The following ARHGAP32 variants were observed in gnomAD, a reference collection of about 807,000 sequenced individuals.
ARHGAP32 encodes the protein rho GTPase-activating protein 32.
ARHGAP32 carries 51 observed loss-of-function variants against 186.5 expected under a neutral mutation model. The observed-to-expected ratio is 0.27, with a 90% confidence interval of 0.22 to 0.35. The LOEUF (loss-of-function observed/expected upper bound fraction) is 0.35. Among genes scored for constraint, ARHGAP32 ranks in the 10% least tolerant of loss-of-function variants. The pLI is 1.00. For missense variants in ARHGAP32, 2,186 were observed against 2,623.5 expected, an observed-to-expected ratio of 0.83 and a Z score of 3.64; for synonymous variants, 950 against 964.3, an observed-to-expected ratio of 0.99 and a Z score of 0.27.
At chr11:129,039,695 C>A (rs1047957087) in intron 11 of ARHGAP32, among the ~76,000 whole-genome samples, 1 of 152,104 alleles carries the variant, frequency 6.6e-6, no homozygotes, top group African/African-American at 2.4e-5. Context: ...GTAAATTGCA[C>A]GATATGCGAA....
intron 5 of ARHGAP32, among the ~76,000 whole-genome samples, chr11:129,122,037 G>A (rs1256610574): frequency 6.6e-6 from 1 of 152,058 alleles, no homozygotes; most frequent in African/African-American, 2.4e-5. Flanking sequence ...AACCAAAGAG[G>A]CTAAGCTACT....
intron 6 of ARHGAP32, among the ~76,000 whole-genome samples, chr11:129,077,353 A>G (rs1941076224): frequency 6.6e-6 from 1 of 152,148 alleles, no homozygotes; most frequent in Non-Finnish European, 1.5e-5. Context: ...GGAGGGGTGA[A>G]GCCTGAAAGC....
At chr11:128,997,621 T>C (rs1338488570) in intron 12 of ARHGAP32, among the ~76,000 whole-genome samples, 1 of 152,196 alleles carries the variant, frequency 6.6e-6, no homozygotes, top group African/African-American at 2.4e-5. Flanking sequence ...AAACTCCTTT[T>C]TTTCTTTCCC....
intron 22 of ARHGAP32, 64 bp from the exon 23 acceptor site, chr11:128,971,223 A>T: frequency 7.1e-7 from 1 of 1,400,358 alleles, no homozygotes; most frequent in Non-Finnish European, 9.7e-7. Context: ...AGTACTATTA[A>T]ATTTGTAACT....
intron 22 of ARHGAP32, chr11:128,971,841 G>A (rs975676526): frequency 1.3e-5 from 2 of 152,226 alleles, no homozygotes; most frequent in Non-Finnish European, 2.9e-5. Context: ...AAAATATGAG[G>A]AAATTCAGGA....
chr11:128,985,858 G>GTGTGTA (rs760311247), intron 15 of ARHGAP32, 145 bp downstream of exon 15: 99 of 95,960 alleles, frequency 1.0e-3, no homozygotes, highest in East Asian at 3.8e-3. Flanking sequence ...GTGTGTGTGT[G>GTGTGTA]TATATATATA....
chr11:129,127,979 G>A (rs1049626096), intron 2 of ARHGAP32, among the ~76,000 whole-genome samples: 4 of 152,064 alleles, frequency 2.6e-5, no homozygotes, highest in African/African-American at 9.7e-5. Flanking sequence ...CTGGCTTCCT[G>A]GAAAATTAGA....
At chr11:129,039,508 TG>T (rs1288612987) in intron 11 of ARHGAP32, among the ~76,000 whole-genome samples, 3 of 152,154 alleles carry the variant, frequency 2.0e-5, no homozygotes, top group Admixed American at 2.0e-4. Context: ...TTATACAAAA[TG>T]TCCAGAATAG....
Position 129,123,774 on chromosome 11 carries a change from C to G in ARHGAP32, c.359+114G>C, listed in dbSNP as rs939060668. 4.4e-6 allele frequency: 4 copies of G among 908,320 alleles called. No homozygotes were observed. The Admixed American group carries it at 1.2e-4, about 26-fold the overall frequency. The allele number at this position is 908,320 out of a possible 1,614,324, so 56.3% of individuals were successfully genotyped here. A position where few individuals can be genotyped will look rare whatever the true frequency, so the allele number is the denominator to read the frequency against. ...CATCACCGTTATCTCCTAATTTTGA[C>G]CCGAATCAATGTCCATAGAAAAACT... On this transcript the variant is annotated intron_variant, in intron 4 of 22. Coordinates refer to ENST00000682385, the MANE Select transcript of ARHGAP32 (RefSeq NM_001378024.1). The surrounding 1 kb of genome is among the most constrained non-coding windows in gnomAD (Gnocchi z 4.6).
chr11:129,164,188 T>G, intron 2 of ARHGAP32, 131 bp downstream of exon 2: 2 of 597,860 alleles, frequency 3.3e-6, no homozygotes, highest in Non-Finnish European at 5.8e-6. Flanking sequence ...ATTCACTCAA[T>G]AAATATTTCC....
At chr11:128,997,593 T>A (rs1391449740) in intron 12 of ARHGAP32, among the ~76,000 whole-genome samples, 1 of 152,206 alleles carries the variant, frequency 6.6e-6, no homozygotes, top group Non-Finnish European at 1.5e-5. Context: ...GAAAGTGCTA[T>A]TTTTAAATAT....
chr11:128,973,384 A>G lies in ARHGAP32; in HGVS notation c.3122T>C (p.Val1041Ala). The change falls in exon 22 of 23, where the codon GTC becomes GCC. Residue 1041 changes from valine to alanine, a missense_variant. Physicochemically the swap from Val to Ala is moderately conservative, Grantham distance 64. Transcript: ENST00000682385. Reference sequence around the variant, plus strand: ...AGGCGGTGGTGGTGGGATAAGAGAGACTGAACTGACAGGAACGGAATCCTG... The same window carrying G: ...AGGCGGTGGTGGTGGGATAAGAGAGGCTGAACTGACAGGAACGGAATCCTG... ...PPQDSVPVSS[V>A]SLIPPPPPPK... The G allele has an allele frequency of 6.2e-7, 1 of 1,614,082 alleles. No individual in the cohort carries two copies. The highest frequency in any genetic ancestry group is 8.5e-7 in the Non-Finnish European group (1 of 1,180,026).
intron 11 of ARHGAP32, among the ~76,000 whole-genome samples, chr11:128,999,976 A>G (rs1331412944): frequency 1.3e-5 from 2 of 152,216 alleles, no homozygotes; most frequent in African/African-American, 4.8e-5. Flanking sequence ...CAATTTTTAA[A>G]TTATTTTACT....
rs995950948 is a variant in ARHGAP32, at chr11:128,972,870, C to T, written c.3636G>A (p.Leu1212=). ...AACGGGGTGGAGACTGGTCCTGATC[C>T]AAGAAGGAGACAGTTGGCATACTGT... ...GKNSMPTVSF[L]DQDQSPPRFY... is the part of the protein sequence containing the mutation. The change falls in exon 22 of 23, where the codon TTG becomes TTA. Residue 1212 remains leucine (L), a synonymous_variant. Transcript: ENST00000682385. 6.2e-7 allele frequency: 1 copy of T among 1,613,776 alleles called. No individual in the cohort carries two copies. Among genetic ancestry groups the T allele is most frequent in the Non-Finnish European group, 8.5e-7 (1 of 1,180,006 alleles).
At chr11:129,024,787 C>T (rs1938760062) in intron 11 of ARHGAP32, among the ~76,000 whole-genome samples, 1 of 152,170 alleles carries the variant, frequency 6.6e-6, no homozygotes, top group Non-Finnish European at 1.5e-5. Flanking sequence ...TTTCCTCTAC[C>T]AGAGACATTC....
chr11:129,086,975 T>C (rs1165406728), intron 6 of ARHGAP32, among the ~76,000 whole-genome samples: 2 of 152,166 alleles, frequency 1.3e-5, no homozygotes, highest in African/African-American at 4.8e-5. Flanking sequence ...GATATACAGA[T>C]GGTTAATAGC....
intron 1 of ARHGAP32, among the ~76,000 whole-genome samples, chr11:129,278,913 C>A (rs1945571440): frequency 6.9e-6 from 1 of 145,194 alleles, no homozygotes; most frequent in South Asian, 2.4e-4. Flanking sequence ...CCGCGGGGAG[C>A]GCGGGGCGCG....
At chr11:129,210,651 C>T (rs556341582) in intron 1 of ARHGAP32, among the ~76,000 whole-genome samples, 1 of 152,104 alleles carries the variant, frequency 6.6e-6, no homozygotes. Context: ...AGACATTAAG[C>T]GATCTGCACA....
At chr11:129,221,535 T>A (rs78145997) in intron 1 of ARHGAP32, among the ~76,000 whole-genome samples, 7 of 68,256 alleles carry the variant, frequency 1.0e-4, no homozygotes, top group Non-Finnish European at 2.3e-4. Context: ...GTGTGTGTGT[T>A]TATGGTAAAA....
Sources: allele counts gnomAD v4.1 joint callset (sites outside exome capture counted in the v4.1 genomes callset), GRCh38; gene constraint gnomAD v4.1.1; non-coding constraint Gnocchi (gnomAD v3.1); transcripts MANE v1.5; gene names NCBI Gene and HGNC (gene_info 2026-07-23, HGNC 2026-07-21).